The following ODAM variants were observed in gnomAD, a reference collection of about 807,000 sequenced individuals.
The protein encoded by ODAM is odontogenic ameloblast-associated protein.
Under a neutral mutation model 48.5 loss-of-function variants are expected in ODAM, and 55 were observed. The ratio of observed to expected loss-of-function variants is 1.13; its 90% CI spans 0.91 to 1.42. ODAM has a LOEUF of 1.42. ODAM is among the 40% of genes most tolerant of loss of function. The pLI is 0.00. For missense variants in ODAM, 353 were observed against 323.6 expected, an observed-to-expected ratio of 1.09 and a Z score of -0.70; for synonymous variants, 127 against 107.8, an observed-to-expected ratio of 1.18 and a Z score of -1.10.
Position 70,195,807 on chromosome 4 carries a change from T to A in ODAM, c.-16+14T>A. 1 of 977,928 alleles carries A rather than the reference T, an allele frequency of 1.0e-6. No individual in the cohort carries two copies. Among genetic ancestry groups the A allele is most frequent in the Non-Finnish European group, 1.2e-6 (1 of 823,162 alleles). 60.6% of individuals were successfully genotyped at this position (977,928 alleles called of 1,614,324 possible). Reference sequence around the variant, plus strand: ...TCCAGGAGTAAGGTAAGATATCAAATCTTTGCTTTTATAGTTTGAAGAACC... The same window carrying A: ...TCCAGGAGTAAGGTAAGATATCAAAACTTTGCTTTTATAGTTTGAAGAACC... On this transcript the variant is annotated intron_variant, in intron 1 of 11. Transcript: ENST00000683306.
chr4:70,203,944 C>T (rs1326453974), intron 11 of ODAM, among the ~76,000 whole-genome samples: 1 of 151,880 alleles, frequency 6.6e-6, no homozygotes, highest in African/African-American at 2.4e-5. Context: ...GTAATAATAC[C>T]TCTTTAGGAA....
chr4:70,195,876 A>ATC, intron 1 of ODAM, 83 bp downstream of exon 1: 1 of 424,980 alleles, frequency 2.4e-6, no homozygotes, highest in Non-Finnish European at 3.1e-6. Flanking sequence ...GTTCACCCTA[A>ATC]ATGCTTGATT....
chr4:70,204,272 TCTC>T lies in ODAM; in HGVS notation c.*130_*132del, dbSNP rs1384156569. ...GGAATACATGAAATATCTTGACTCT[TCTC>T]CTAAATTTGTTTTTACTTATACATG... is the stretch of plus-strand genomic sequence containing the variant. On this transcript the variant is annotated 3_prime_UTR_variant, in exon 12 of 12. Coordinates refer to ENST00000683306, the MANE Select transcript of ODAM (RefSeq NM_017855.4). 6.6e-6 allele frequency: 1 copy of T among 151,992 alleles called. No homozygotes were observed. The highest frequency in any genetic ancestry group is 2.4e-5 in the African/African-American group (1 of 41,412). 9.4% of individuals were successfully genotyped at this position (151,992 alleles called of 1,614,324 possible). A position where few individuals can be genotyped will look rare whatever the true frequency, so the allele number is the denominator to read the frequency against.
Position 70,196,517 on chromosome 4 carries a change from C to G in ODAM, c.-15-12C>G. ...GTCTTTATAAAGCTAAAGATCACAA[C>G]TTATTTTCTAGATATATCATACGAA... On this transcript the variant is annotated splice_polypyrimidine_tract_variant and intron_variant, in intron 1 of 11. Transcript: ENST00000683306. The G allele has an allele frequency of 1.4e-6, 2 of 1,448,414 alleles. No individual in the cohort carries two copies. The highest frequency in any genetic ancestry group is 1.9e-6 in the Non-Finnish European group (2 of 1,048,654). The allele number at this position is 1,448,414 out of a possible 1,614,324, so 89.7% of individuals were successfully genotyped here. A position where few individuals can be genotyped will look rare whatever the true frequency, so the allele number is the denominator to read the frequency against.
intron 10 of ODAM, 28 bp downstream of exon 10, chr4:70,202,945 CA>C (rs764711283): frequency 1.9e-6 from 3 of 1,575,890 alleles, no homozygotes; most frequent in Admixed American, 2.0e-5. Context: ...TCACTTTATG[CA>C]AAAAAATTGT....
intron 1 of ODAM, 109 bp downstream of exon 1, chr4:70,195,902 A>G (rs1003792339): frequency 2.2e-5 from 6 of 274,858 alleles, no homozygotes; most frequent in Non-Finnish European, 2.8e-5. Context: ...AATGATTTGA[A>G]GCAGGGAAAA....
intron 10 of ODAM, 55 bp from the exon 11 acceptor site, chr4:70,203,101 T>G (rs1008843968): frequency 7.7e-6 from 11 of 1,434,182 alleles, no homozygotes; most frequent in Non-Finnish European, 9.8e-6. Flanking sequence ...TTAATCAGAA[T>G]ATAATTTAAT....
Position 70,196,730 on chromosome 4 carries a change from T to C in ODAM, c.90T>C (p.Asn30=). ...GTCTCATGTCTGCCAGCAATAGCAA[T>C]GAGGTTAGTTTAAATAATTAAAACA... ...PQRLMSASNS[N]ELLLNLNNGQ... is the part of the protein sequence containing the mutation. Residue 30 remains asparagine (N), a synonymous_variant, in exon 3 of 12, where the codon AAT becomes AAC. Transcript: ENST00000683306. The C allele has an allele frequency of 6.2e-7, 1 of 1,605,710 alleles. No homozygotes were observed. The highest frequency in any genetic ancestry group is 1.3e-5 in the African/African-American group (1 of 74,690).
At chr4:70,200,416 T>A in intron 6 of ODAM, 81 bp from the exon 7 acceptor site, 2 of 703,444 alleles carry the variant, frequency 2.8e-6, no homozygotes, top group South Asian at 3.9e-5. Context: ...AGCTTTTAAA[T>A]AAAATTGACA....
At chr4:70,197,865 A>T in intron 4 of ODAM, 59 bp from the exon 5 acceptor site, 1 of 1,430,882 alleles carries the variant, frequency 7.0e-7, no homozygotes. Context: ...CTCAGGACTA[A>T]TTTTTAAATT....
At chr4:70,199,017 T>C (rs1729440556) in intron 6 of ODAM, among the ~76,000 whole-genome samples, 1 of 152,022 alleles carries the variant, frequency 6.6e-6, no homozygotes, top group African/African-American at 2.4e-5. Flanking sequence ...AAGCTGATAA[T>C]ATATGATATG....
intron 7 of ODAM, among the ~76,000 whole-genome samples, chr4:70,200,866 C>A (rs963996608): frequency 6.6e-6 from 1 of 151,826 alleles, no homozygotes; most frequent in Non-Finnish European, 1.5e-5. Context: ...AGCTGAATAA[C>A]CTCGAAAAGT....
chr4:70,197,174 G>A (rs1180603259), intron 3 of ODAM, 100 bp from the exon 4 acceptor site: 5 of 663,854 alleles, frequency 7.5e-6, no homozygotes, highest in Non-Finnish European at 1.4e-5. Context: ...ACAAGAAATT[G>A]AGCAACCAGC....
intron 4 of ODAM, 68 bp downstream of exon 4, chr4:70,197,389 G>A: frequency 1.1e-6 from 1 of 907,160 alleles, no homozygotes. Context: ...TATTTTGTAA[G>A]AAAACAAAAT....
intron 8 of ODAM, 87 bp from the exon 9 acceptor site, chr4:70,202,171 T>C (rs1216490722): frequency 2.2e-6 from 2 of 899,910 alleles, no homozygotes; most frequent in African/African-American, 1.6e-5. Context: ...TTTGGGAGTG[T>C]TTTACTACTC....
intron 6 of ODAM, among the ~76,000 whole-genome samples, chr4:70,199,193 AATC>A (rs1168901718): frequency 9.9e-5 from 15 of 152,028 alleles, no homozygotes; most frequent in African/African-American, 3.6e-4. Context: ...AAACTAGTAT[AATC>A]ATCATATTAA....
At chr4:70,197,813 C>T (rs1729404326) in intron 4 of ODAM, 111 bp from the exon 5 acceptor site, 1 of 768,950 alleles carries the variant, frequency 1.3e-6, no homozygotes, top group African/African-American at 1.8e-5. Context: ...TATGTTGCAA[C>T]ATTGGAACTA....
At chr4:70,197,757 C>T (rs893478240) in intron 4 of ODAM, 167 bp from the exon 5 acceptor site, 6 of 622,336 alleles carry the variant, frequency 9.6e-6, no homozygotes, top group Admixed American at 3.0e-5. Flanking sequence ...GCATTTGCTT[C>T]GTATTATTTG....
At chr4:70,198,286 C>T in intron 5 of ODAM, 129 bp downstream of exon 5, 4 of 762,112 alleles carry the variant, frequency 5.2e-6, no homozygotes, top group East Asian at 2.7e-5. Flanking sequence ...TATGTTTCTA[C>T]CATCGCTGTA....
Sources: allele counts gnomAD v4.1 joint callset (sites outside exome capture counted in the v4.1 genomes callset), GRCh38; gene constraint gnomAD v4.1.1; transcripts MANE v1.5; gene names NCBI Gene and HGNC (gene_info 2026-07-23, HGNC 2026-07-21).